PITPNB: variants seen among roughly 807,000 people sequenced by gnomAD.
PITPNB encodes phosphatidylinositol transfer protein beta.
A neutral mutation model predicts 45.9 loss-of-function variants in PITPNB; 16 were observed. The ratio of observed to expected loss-of-function variants is 0.35; its 90% CI spans 0.24 to 0.53. PITPNB has a LOEUF of 0.53. Ranked by LOEUF, PITPNB falls within the 20% of genes least tolerant of loss-of-function variation. PITPNB has a pLI of 0.93. For missense variants in PITPNB, 188 were observed against 330.5 expected, an observed-to-expected ratio of 0.57 and a Z score of 3.34; for synonymous variants, 112 against 108.9, an observed-to-expected ratio of 1.03 and a Z score of -0.18.
At chr22:27,901,397 C>T (rs995094658) in intron 3 of PITPNB, among the ~76,000 whole-genome samples, 2 of 152,118 alleles carry the variant, frequency 1.3e-5, no homozygotes, top group African/African-American at 2.4e-5. Flanking sequence ...CAACTTTTCC[C>T]ACCCTTCTCC....
chr22:27,865,880 A>G (rs1018732136), intron 8 of PITPNB, among the ~76,000 whole-genome samples: 1 of 152,164 alleles, frequency 6.6e-6, no homozygotes, highest in Non-Finnish European at 1.5e-5. Context: ...ATGTTTTCTG[A>G]TTCTTTCTTC....
At chr22:27,857,067 A>G (rs1415640781) in intron 10 of PITPNB, among the ~76,000 whole-genome samples, 1 of 152,158 alleles carries the variant, frequency 6.6e-6, no homozygotes, top group Non-Finnish European at 1.5e-5. Flanking sequence ...TGAGGGGGGT[A>G]TCTTCCACTC....
At chr22:27,881,838 C>T (rs371831433) in intron 7 of PITPNB, among the ~76,000 whole-genome samples, 8 of 152,190 alleles carry the variant, frequency 5.3e-5, no homozygotes, top group Non-Finnish European at 7.4e-5. Flanking sequence ...CATAAGAAAA[C>T]GTCATTTCTG....
At chr22:27,918,022 A>G (rs2146438559) in intron 1 of PITPNB, among the ~76,000 whole-genome samples, 1 of 152,280 alleles carries the variant, frequency 6.6e-6, no homozygotes, top group Admixed American at 6.5e-5. Flanking sequence ...CTTGAACTGA[A>G]CTTATTCTAG....
At chr22:27,918,021 A>C (rs1936134362) in intron 1 of PITPNB, among the ~76,000 whole-genome samples, 1 of 152,204 alleles carries the variant, frequency 6.6e-6, no homozygotes, top group Non-Finnish European at 1.5e-5. Flanking sequence ...TCTTGAACTG[A>C]ACTTATTCTA....
At chr22:27,897,257 A>ATT (rs1935462521) in intron 4 of PITPNB, 120 bp from the exon 5 acceptor site, 1 of 771,336 alleles carries the variant, frequency 1.3e-6, no homozygotes, top group African/African-American at 1.7e-5. Context: ...AAAACAGAAC[A>ATT]TTTATTTAGT....
intron 8 of PITPNB, among the ~76,000 whole-genome samples, chr22:27,873,045 A>C (rs1265987527): frequency 2.0e-5 from 3 of 152,224 alleles, no homozygotes; most frequent in Non-Finnish European, 4.4e-5. Context: ...GGGCGGGTGG[A>C]TCACCTGAGG....
intron 7 of PITPNB, among the ~76,000 whole-genome samples, chr22:27,889,739 G>A (rs545244922): frequency 8.3e-4 from 126 of 152,260 alleles, no homozygotes; most frequent in Admixed American, 2.4e-3. Flanking sequence ...ACAAATCCTC[G>A]ACAGCTACCA....
At chr22:27,910,744 G>T in intron 3 of PITPNB, 1 of 419,012 alleles carries the variant, frequency 2.4e-6, no homozygotes, top group South Asian at 5.0e-5. Flanking sequence ...TTGATGGCAA[G>T]GAGCAGGGAC....
intron 3 of PITPNB, among the ~76,000 whole-genome samples, chr22:27,908,791 T>A (rs890279852): frequency 5.9e-5 from 9 of 152,142 alleles, no homozygotes; most frequent in Admixed American, 2.6e-4. Context: ...ACTAACAAAT[T>A]AATAGAAACC....
intron 1 of PITPNB, among the ~76,000 whole-genome samples, chr22:27,917,588 C>T (rs1175771134): frequency 6.6e-6 from 1 of 152,186 alleles, no homozygotes; most frequent in Non-Finnish European, 1.5e-5. Context: ...AATTTTCACT[C>T]TACCAAAAAA....
intron 7 of PITPNB, among the ~76,000 whole-genome samples, chr22:27,881,482 G>A (rs1395690415): frequency 6.6e-6 from 1 of 152,124 alleles, no homozygotes; most frequent in Non-Finnish European, 1.5e-5. Context: ...CATTTTAACA[G>A]CAAAAAGACA....
chr22:27,851,966 G>A lies in PITPNB; in HGVS notation c.*1736C>T, dbSNP rs952886031. ...TCTTCCTCGCACCAAACACTTTGCA[G>A]ACAATGATTATGCTCTGACAAAACC... On this transcript the variant is annotated 3_prime_UTR_variant, in exon 12 of 12. Transcript: ENST00000335272. 2.0e-5 allele frequency: 3 copies of A among 152,176 alleles called. No individual in the cohort carries two copies. Among genetic ancestry groups the A allele is most frequent in the Non-Finnish European group, 4.4e-5 (3 of 68,038 alleles). 9.4% of individuals were successfully genotyped at this position (152,176 alleles called of 1,614,324 possible).
At chr22:27,876,721 G>GT (rs35671053) in intron 7 of PITPNB, among the ~76,000 whole-genome samples, 5,876 of 152,176 alleles carry the variant, frequency 0.039, 158 homozygotes, top group South Asian at 0.053. Context: ...ATTTATATCC[G>GT]TATCACAATG....
intron 10 of PITPNB, among the ~76,000 whole-genome samples, chr22:27,855,323 T>C (rs571409794): frequency 4.6e-5 from 7 of 152,178 alleles, no homozygotes; most frequent in South Asian, 4.1e-4. Context: ...CACACCTCTT[T>C]GCTGCTTCTG....
intron 8 of PITPNB, 145 bp downstream of exon 8, chr22:27,873,593 C>T: frequency 6.7e-6 from 4 of 599,886 alleles, no homozygotes; most frequent in Non-Finnish European, 1.2e-5. Flanking sequence ...CCAACTGCAA[C>T]TGGCTGTAAG....
At chr22:27,919,044 G>T in intron 1 of PITPNB, 128 bp downstream of exon 1, 1 of 1,438,158 alleles carries the variant, frequency 7.0e-7, no homozygotes, top group Non-Finnish European at 9.8e-7. Context: ...GGGGGAGGGA[G>T]GGGGCGCCCG....
chr22:27,899,888 G>A (rs1935543844), intron 3 of PITPNB, among the ~76,000 whole-genome samples: 1 of 152,076 alleles, frequency 6.6e-6, no homozygotes, highest in East Asian at 1.9e-4. Flanking sequence ...ATCTATCAAT[G>A]GTTCAGCTGG....
chr22:27,919,213 C>A lies in PITPNB; in HGVS notation c.-22G>T, dbSNP rs777122236. ...CCATCTTCCCGGAACCCCCTCACAG[C>A]TGCCGCCGATACCACCGCCGCCGCC... On this transcript the variant is annotated 5_prime_UTR_variant, in exon 1 of 12. Transcript: ENST00000335272. 1.0e-5 allele frequency: 16 copies of A among 1,607,536 alleles called. No individual in the cohort carries two copies. The highest frequency in any genetic ancestry group is 2.2e-5 in the South Asian group (2 of 90,998).
Sources: allele counts gnomAD v4.1 joint callset (sites outside exome capture counted in the v4.1 genomes callset), GRCh38; gene constraint gnomAD v4.1.1; transcripts MANE v1.5; gene names NCBI Gene and HGNC (gene_info 2026-07-23, HGNC 2026-07-21).